Variants in BMPR1B observed in about 807,000 individuals in gnomAD.
BMPR1B encodes the protein bone morphogenetic protein receptor type-1B.
A neutral mutation model predicts 59.1 loss-of-function variants in BMPR1B; 12 were observed. The ratio of observed to expected loss-of-function variants is 0.20; its 90% CI spans 0.13 to 0.33. BMPR1B has a LOEUF of 0.33. Ranked by LOEUF, BMPR1B falls within the 10% of genes least tolerant of loss-of-function variation. The pLI is 1.00. For synonymous variants in BMPR1B, 237 were observed against 207.3 expected, an observed-to-expected ratio of 1.14 and a Z score of -1.23; for missense variants, 550 against 610.9, an observed-to-expected ratio of 0.90 and a Z score of 1.05.
intron 2 of BMPR1B, among the ~76,000 whole-genome samples, chr4:94,950,969 T>C (rs1729910739): frequency 6.6e-6 from 1 of 152,234 alleles, no homozygotes; most frequent in African/African-American, 2.4e-5. Flanking sequence ...AGCAGTGTTT[T>C]GTAGTTCTCC....
At chr4:95,102,681 A>G (rs752216512) in intron 3 of BMPR1B, among the ~76,000 whole-genome samples, 1 of 152,124 alleles carries the variant, frequency 6.6e-6, no homozygotes, top group Non-Finnish European at 1.5e-5. Flanking sequence ...TCCCATGTGG[A>G]CAAACTTGGA....
intron 3 of BMPR1B, among the ~76,000 whole-genome samples, chr4:95,035,440 C>G (rs753584746): frequency 6.6e-6 from 1 of 151,942 alleles, no homozygotes; most frequent in Non-Finnish European, 1.5e-5. Flanking sequence ...TGATCCATCT[C>G]GAGTTGATTT....
chr4:95,143,948 G>A (rs1368110525), intron 10 of BMPR1B, among the ~76,000 whole-genome samples: 5 of 151,870 alleles, frequency 3.3e-5, no homozygotes, highest in Non-Finnish European at 7.4e-5. Flanking sequence ...TTTTACTGGA[G>A]ATTGTGATGG....
At chr4:94,920,709 C>A (rs1329328251) in intron 2 of BMPR1B, among the ~76,000 whole-genome samples, 2 of 152,192 alleles carry the variant, frequency 1.3e-5, no homozygotes, top group African/African-American at 4.8e-5. Context: ...CACATGCTGG[C>A]TGATTTTAAA....
At chr4:94,919,668 CCTT>C (rs1447035537) in intron 2 of BMPR1B, among the ~76,000 whole-genome samples, 1 of 152,134 alleles carries the variant, frequency 6.6e-6, no homozygotes, top group Non-Finnish European at 1.5e-5. Flanking sequence ...AAGGAGCAGG[CCTT>C]CTTTCTTCCT....
intron 2 of BMPR1B, among the ~76,000 whole-genome samples, chr4:94,919,927 T>C (rs1728627987): frequency 6.6e-6 from 1 of 152,220 alleles, no homozygotes; most frequent in African/African-American, 2.4e-5. Context: ...TTTTCTATCA[T>C]ATTCTTTATT....
Position 94,917,012 on chromosome 4 carries a change from A to G in BMPR1B, c.-113+41112A>G, listed in dbSNP as rs533460269. ...GGTATAGCTTGGGCTGCCACTTTGG[A>G]GAATGCAAGCCATAAGCCTTGCCTG... On this transcript the variant is annotated intron_variant, in intron 2 of 12. Transcript: ENST00000515059. Among the ~76,000 whole-genome samples the G allele has an allele frequency of 2.0e-5, 3 of 152,360 alleles. No individual in the cohort carries two copies. In the South Asian group the frequency reaches 6.2e-4, roughly 32 times the overall value.
At chr4:94,787,727 ATCT>A (rs1406314196) in intron 1 of BMPR1B, among the ~76,000 whole-genome samples, 2 of 152,198 alleles carry the variant, frequency 1.3e-5, no homozygotes, top group African/African-American at 4.8e-5. Flanking sequence ...TCTTTTGATA[ATCT>A]TTTGTTACAG....
intron 3 of BMPR1B, among the ~76,000 whole-genome samples, chr4:95,019,333 A>G (rs554293866): frequency 6.6e-6 from 1 of 152,304 alleles, no homozygotes; most frequent in African/African-American, 2.4e-5. Context: ...TATTAGAATA[A>G]TGTTTTCTCT....
At chr4:94,960,272 T>C (rs1730303391) in intron 2 of BMPR1B, among the ~76,000 whole-genome samples, 1 of 152,158 alleles carries the variant, frequency 6.6e-6, no homozygotes, top group South Asian at 2.1e-4. Context: ...GTATTAAGAC[T>C]CTTGTTTATC....
At chr4:94,784,332 T>G (rs1192988556) in intron 1 of BMPR1B, among the ~76,000 whole-genome samples, 2 of 152,072 alleles carry the variant, frequency 1.3e-5, no homozygotes, top group African/African-American at 4.8e-5. Flanking sequence ...TTGGATGAAC[T>G]TGTATAATAT....
intron 3 of BMPR1B, among the ~76,000 whole-genome samples, chr4:95,073,864 GC>G (rs573430923): frequency 2.0e-5 from 3 of 152,124 alleles, no homozygotes; most frequent in Admixed American, 6.6e-5. Flanking sequence ...ACAATTAAGG[GC>G]TCATTAGAAT....
chr4:95,053,281 TTGTGTGTGTGTGTGTG>T (rs60404669), intron 3 of BMPR1B, among the ~76,000 whole-genome samples: 8 of 134,252 alleles, frequency 6.0e-5, no homozygotes, highest in Non-Finnish European at 9.5e-5. Context: ...TGCAGGGCAC[TTGTGTGTGTGTGTGTG>T]TGTGTGTGTG....
chr4:94,949,936 G>A (rs1236647936), intron 2 of BMPR1B, among the ~76,000 whole-genome samples: 1 of 151,992 alleles, frequency 6.6e-6, no homozygotes, highest in Admixed American at 6.6e-5. Context: ...ATTACTCCAC[G>A]TCCTCTCCAG....
rs564534306 is a variant in BMPR1B at position 94,786,561 on chromosome 4, C to T, written c.-183+28493C>T. Among the ~76,000 whole-genome samples the T allele has an allele frequency of 1.9e-4, 29 of 152,042 alleles. 1 individual carries two copies. Among genetic ancestry groups the T allele is most frequent in the South Asian group, 1.2e-3 (6 of 4,814 alleles). On this transcript the variant is annotated intron_variant, in intron 1 of 12. Transcript: ENST00000515059. ...TATTTATTTATTTATTTTTTTGAGA[C>T]GGAGTCTCGCTCTGTTGCCCAGGCT...
chr4:94,952,464 C>T lies in BMPR1B; in HGVS notation c.-112-43576C>T, dbSNP rs185509101. On this transcript the variant is annotated intron_variant, in intron 2 of 12. Transcript: ENST00000515059. ...CAGGGATTCTGGTACATTGTGTCTT[C>T]GTTCTCATTGGTTTCAAAGAACTTA... Among the ~76,000 whole-genome samples, 13 of 152,184 alleles carry T rather than the reference C, an allele frequency of 8.5e-5. No homozygotes were observed. In the East Asian group the frequency reaches 9.7e-4, roughly 11 times the overall value.
intron 3 of BMPR1B, among the ~76,000 whole-genome samples, chr4:95,076,284 G>C (rs1728699545): frequency 6.6e-6 from 1 of 151,920 alleles, no homozygotes; most frequent in Non-Finnish European, 1.5e-5. Context: ...TAGTTAGCTT[G>C]TCTTTTTTAG....
At chr4:95,151,689 A>C (rs557976171) in intron 11 of BMPR1B, among the ~76,000 whole-genome samples, 3 of 152,294 alleles carry the variant, frequency 2.0e-5, no homozygotes, top group Non-Finnish European at 4.4e-5. Context: ...TGGCAGAGTA[A>C]GCCCCCAGTG....
chr4:94,964,068 TGGTA>T (rs1730466649), intron 2 of BMPR1B, among the ~76,000 whole-genome samples: 1 of 152,116 alleles, frequency 6.6e-6, no homozygotes, highest in African/African-American at 2.4e-5. Flanking sequence ...GTTTATTCCT[TGGTA>T]TTTTATCTGT....
Sources: allele counts gnomAD v4.1 joint callset (sites outside exome capture counted in the v4.1 genomes callset), GRCh38; gene constraint gnomAD v4.1.1; transcripts MANE v1.5; gene names NCBI Gene and HGNC (gene_info 2026-07-23, HGNC 2026-07-21).